The following NKAIN2 variants were observed in gnomAD, a reference collection of about 807,000 sequenced individuals.
NKAIN2 encodes sodium/potassium-transporting ATPase subunit beta-1-interacting protein 2.
NKAIN2 carries 14 observed loss-of-function variants against 32.6 expected under a neutral mutation model. That is an observed-to-expected ratio of 0.43 (90% CI 0.28 to 0.67). NKAIN2 has a LOEUF of 0.67. NKAIN2 is among the 30% of genes least tolerant of loss of function. The pLI is 0.17. For missense variants in NKAIN2, 198 were observed against 258.3 expected (o/e 0.77, Z 1.60); for synonymous variants, 80 against 87.2 (o/e 0.92, Z 0.46).
intron 1 of NKAIN2, among the ~76,000 whole-genome samples, chr6:123,950,267 G>A (rs574321024): frequency 1.2e-4 from 18 of 151,678 alleles, no homozygotes; most frequent in South Asian, 2.1e-4. Flanking sequence ...GTGTGTGTGC[G>A]TGTGTGTGTG....
chr6:124,220,610 A>T (rs1791764880), intron 1 of NKAIN2, among the ~76,000 whole-genome samples: 1 of 151,548 alleles, frequency 6.6e-6, no homozygotes, highest in Non-Finnish European at 1.5e-5. Context: ...TAGGATGCCA[A>T]TTATATCACC....
chr6:124,734,061 GCACACACA>G (rs61526747), intron 4 of NKAIN2, among the ~76,000 whole-genome samples: 47 of 145,332 alleles, frequency 3.2e-4, no homozygotes, highest in Admixed American at 1.2e-3. Flanking sequence ...ATGAGGAAAT[GCACACACA>G]CACACACACA....
intron 3 of NKAIN2, among the ~76,000 whole-genome samples, chr6:124,463,611 CT>C (rs1203310563): frequency 1.3e-5 from 2 of 152,064 alleles, no homozygotes; most frequent in Non-Finnish European, 2.9e-5. Flanking sequence ...TTCTTCCCTC[CT>C]CCCTTCCAAT....
At chr6:124,164,401 A>G (rs1562395318) in intron 1 of NKAIN2, among the ~76,000 whole-genome samples, 1 of 152,094 alleles carries the variant, frequency 6.6e-6, no homozygotes, top group African/African-American at 2.4e-5. Flanking sequence ...ACTTCCTCCA[A>G]GTAGTTCACA....
chr6:124,038,842 G>T (rs991639450), intron 1 of NKAIN2, among the ~76,000 whole-genome samples: 1 of 152,010 alleles, frequency 6.6e-6, no homozygotes, highest in African/African-American at 2.4e-5. Context: ...GTTATCAAAA[G>T]CAATTTCACA....
chr6:124,074,126 G>A (rs1440027974), intron 1 of NKAIN2, among the ~76,000 whole-genome samples: 1 of 152,138 alleles, frequency 6.6e-6, no homozygotes, highest in Non-Finnish European at 1.5e-5. Context: ...TCATCTCCCA[G>A]TGGAGTCACA....
At chr6:124,309,532 C>T (rs961740488) in intron 2 of NKAIN2, among the ~76,000 whole-genome samples, 1 of 152,022 alleles carries the variant, frequency 6.6e-6, no homozygotes, top group Non-Finnish European at 1.5e-5. Context: ...ATGAAGACTT[C>T]TATCTATAAT....
chr6:124,073,328 C>G (rs1582586188), intron 1 of NKAIN2, among the ~76,000 whole-genome samples: 1 of 152,172 alleles, frequency 6.6e-6, no homozygotes. Flanking sequence ...AAGCATAGAG[C>G]CTTATACGTG....
chr6:124,658,427 G>T (rs749922520), intron 4 of NKAIN2, 41 bp downstream of exon 4: 1 of 1,613,834 alleles, frequency 6.2e-7, no homozygotes, highest in Non-Finnish European at 8.5e-7. Context: ...GTGCCTCTGG[G>T]GTTGTTTTAT....
chr6:124,376,282 G>T (rs1038250093), intron 3 of NKAIN2, among the ~76,000 whole-genome samples: 1 of 152,062 alleles, frequency 6.6e-6, no homozygotes, highest in African/African-American at 2.4e-5. Flanking sequence ...ATGAGATTTA[G>T]AAAATGGCTA....
chr6:124,644,885 T>C (rs1348937307), intron 3 of NKAIN2, among the ~76,000 whole-genome samples: 4 of 152,216 alleles, frequency 2.6e-5, no homozygotes, highest in Non-Finnish European at 5.9e-5. Flanking sequence ...AAAACCCTTA[T>C]GTTGTCTGTT....
At chr6:124,497,462 T>C (rs917387189) in intron 3 of NKAIN2, among the ~76,000 whole-genome samples, 3 of 152,130 alleles carry the variant, frequency 2.0e-5, no homozygotes, top group Non-Finnish European at 4.4e-5. Flanking sequence ...TTAATGAAAA[T>C]GCCACTTTTA....
intron 2 of NKAIN2, among the ~76,000 whole-genome samples, chr6:124,320,911 A>G (rs1797152125): frequency 6.6e-6 from 1 of 152,164 alleles, no homozygotes; most frequent in African/African-American, 2.4e-5. Flanking sequence ...GAGGACATTA[A>G]AGGAAGCTTC....
chr6:124,777,799 T>G (rs1277577993), intron 4 of NKAIN2, among the ~76,000 whole-genome samples: 1 of 152,134 alleles, frequency 6.6e-6, no homozygotes, highest in African/African-American at 2.4e-5. Flanking sequence ...TATAAAAAAT[T>G]TCTCTTACAT....
At chr6:124,474,248 A>G (rs953193946) in intron 3 of NKAIN2, among the ~76,000 whole-genome samples, 1 of 152,130 alleles carries the variant, frequency 6.6e-6, no homozygotes, top group African/African-American at 2.4e-5. Context: ...ATCATCTTAA[A>G]GGGGCTTTTC....
chr6:124,796,217 G>C (rs1181792117), intron 5 of NKAIN2, among the ~76,000 whole-genome samples: 1 of 152,092 alleles, frequency 6.6e-6, no homozygotes, highest in Non-Finnish European at 1.5e-5. Context: ...ACAGAAATTT[G>C]CTCTCCAAAA....
intron 1 of NKAIN2, among the ~76,000 whole-genome samples, chr6:124,263,626 C>T (rs1435201719): frequency 6.6e-6 from 1 of 152,198 alleles, no homozygotes; most frequent in African/African-American, 2.4e-5. Context: ...TCCTAGTCTT[C>T]TGTCATACTA....
intron 1 of NKAIN2, among the ~76,000 whole-genome samples, chr6:124,032,193 T>C (rs1307010060): frequency 1.5e-5 from 2 of 137,750 alleles, no homozygotes; most frequent in Non-Finnish European, 1.5e-5. Context: ...TTCTCACTCA[T>C]AGGTGGGAAT....
intron 3 of NKAIN2, among the ~76,000 whole-genome samples, chr6:124,364,879 T>C (rs1207069786): frequency 6.6e-6 from 1 of 151,940 alleles, no homozygotes; most frequent in Non-Finnish European, 1.5e-5. Flanking sequence ...ATTTAAATAT[T>C]TGTAAAACTC....
Sources: allele counts gnomAD v4.1 joint callset (sites outside exome capture counted in the v4.1 genomes callset), GRCh38; gene constraint gnomAD v4.1.1; transcripts MANE v1.5; gene names NCBI Gene and HGNC (gene_info 2026-07-23, HGNC 2026-07-21).